CLIC4: variants seen among roughly 807,000 people sequenced by gnomAD.
The protein encoded by CLIC4 is chloride intracellular channel protein 4.
Under a neutral mutation model 24.6 loss-of-function variants are expected in CLIC4, and 13 were observed. The observed-to-expected ratio is 0.53, with a 90% CI of 0.34 to 0.84. The LOEUF (loss-of-function observed/expected upper bound fraction) is 0.84. Among genes scored for constraint, CLIC4 ranks in the 40% least tolerant of loss-of-function variants. The probability of loss-of-function intolerance (pLI) is 0.01; values close to 1 mark genes in which losing one functional copy is unlikely to be tolerated. For missense variants in CLIC4, 227 were observed against 301.7 expected (o/e 0.75, Z 1.83); for synonymous variants, 104 against 111.3 (o/e 0.93, Z 0.41).
Position 24,841,633 on chromosome 1 carries a change from G to C in CLIC4, c.*696G>C, listed in dbSNP as rs9259. 89,099 of 152,026 alleles carry C rather than the reference G, an allele frequency of 0.59. 28,361 individuals carry two copies. Among genetic ancestry groups the C allele is most frequent in the Non-Finnish European group, 0.71 (48,121 of 67,958 alleles). The allele number at this position is 152,026 out of a possible 1,614,324, so 9.4% of individuals were successfully genotyped here. On this transcript the variant is annotated 3_prime_UTR_variant, in exon 6 of 6. Transcript: ENST00000374379. Reference sequence around the variant, plus strand: ...AAGCTAAAAGTTTAGAGGGAGTGAGGGTTTTCTCAAGACCTTCCTCAAGCA... The same window carrying C: ...AAGCTAAAAGTTTAGAGGGAGTGAGCGTTTTCTCAAGACCTTCCTCAAGCA...
rs1282741778 is a variant in CLIC4 at position 24,767,025 on chromosome 1, A to T, written c.72+21400A>T. On this transcript the variant is annotated intron_variant, in intron 1 of 5. Coordinates refer to ENST00000374379, the MANE Select transcript of CLIC4 (RefSeq NM_013943.3). ...ATACACTAACAATAGCTGATGAGCT[A>T]AAAAAAAAAAAAAAAAAAAAAAAGA... is the stretch of plus-strand genomic sequence containing the variant. Among the ~76,000 whole-genome samples, 5 of 51,282 alleles carry T rather than the reference A, an allele frequency of 9.8e-5. No homozygotes were observed. The East Asian group carries it at 2.0e-3, about 21-fold the overall frequency. The allele number at this position is 51,282 out of a possible 152,430, so 33.6% of individuals were successfully genotyped here.
chr1:24,791,880 AAAAT>A (rs112152589), intron 1 of CLIC4, among the ~76,000 whole-genome samples: 8 of 150,634 alleles, frequency 5.3e-5, no homozygotes, highest in Non-Finnish European at 1.0e-4. Flanking sequence ...CCATCTCAAA[AAAAT>A]AAATAAATAA....
At chr1:24,750,507 A>T in intron 1 of CLIC4, among the ~76,000 whole-genome samples, 1 of 148,734 alleles carries the variant, frequency 6.7e-6, no homozygotes, top group East Asian at 2.0e-4. Context: ...CTGGGACTAC[A>T]GGTGTGCACC....
intron 1 of CLIC4, among the ~76,000 whole-genome samples, chr1:24,755,101 A>G (rs1638829498): frequency 1.3e-5 from 2 of 150,132 alleles, no homozygotes; most frequent in South Asian, 4.2e-4. Context: ...TAGGCTGGGC[A>G]AAATAGTGAG....
chr1:24,792,054 A>T (rs1409130715), intron 1 of CLIC4, among the ~76,000 whole-genome samples: 4 of 322 alleles, frequency 0.012, no homozygotes, highest in Admixed American at 0.17. Context: ...ACCTAATTAA[A>T]AAAAAAAAAA....
chr1:24,772,181 T>TTTC (rs886314695), intron 1 of CLIC4, among the ~76,000 whole-genome samples: 1 of 152,160 alleles, frequency 6.6e-6, no homozygotes, highest in African/African-American at 2.4e-5. Context: ...GGTGAGCTCC[T>TTTC]GAAAGAAAGT....
In CLIC4 at chr1:24,830,751, T is replaced by A. The variant is rs1221315344; in HGVS notation, c.415+3635T>A. On this transcript the variant is annotated intron_variant, in intron 4 of 5. Transcript: ENST00000374379. ...TTTGTTGCTCTGTTGCACTTAAAAA[T>A]TTTTTGAGAGCTTTATGAAATAGCT... Among the ~76,000 whole-genome samples the A allele has an allele frequency of 3.3e-5, 5 of 152,290 alleles. No individual in the cohort carries two copies. In the East Asian group the frequency reaches 7.7e-4, roughly 23 times the overall value.
intron 1 of CLIC4, among the ~76,000 whole-genome samples, chr1:24,778,798 T>A (rs1048967550): frequency 6.6e-6 from 1 of 152,368 alleles, no homozygotes; most frequent in Admixed American, 6.5e-5. Flanking sequence ...GAAAGTCTGG[T>A]CATTGTACAT....
At chr1:24,804,892 G>T (rs1188756302) in intron 2 of CLIC4, among the ~76,000 whole-genome samples, 1 of 151,804 alleles carries the variant, frequency 6.6e-6, no homozygotes, top group Non-Finnish European at 1.5e-5. Flanking sequence ...TTGAGGTCAG[G>T]AGTTCAAGAC....
chr1:24,767,865 A>G (rs1639021214), intron 1 of CLIC4, among the ~76,000 whole-genome samples: 1 of 151,088 alleles, frequency 6.6e-6, no homozygotes, highest in Non-Finnish European at 1.5e-5. Context: ...TTTTTTTGGC[A>G]TGGAGTTCCG....
At chr1:24,823,325 G>A (rs986891937) in intron 3 of CLIC4, among the ~76,000 whole-genome samples, 3 of 152,154 alleles carry the variant, frequency 2.0e-5, no homozygotes, top group Admixed American at 1.3e-4. Context: ...TTGCTTGAAT[G>A]AAGAAACCAC....
intron 1 of CLIC4, among the ~76,000 whole-genome samples, chr1:24,762,410 ACT>A (rs919439567): frequency 2.0e-5 from 3 of 152,052 alleles, no homozygotes; most frequent in African/African-American, 7.2e-5. Flanking sequence ...ACGGAGTGAG[ACT>A]CTCTCTAAAG....
chr1:24,760,271 CAGG>C (rs902692053), intron 1 of CLIC4, among the ~76,000 whole-genome samples: 13 of 151,862 alleles, frequency 8.6e-5, no homozygotes, highest in African/African-American at 3.1e-4. Context: ...GAGGCTGAGG[CAGG>C]AGAATTGCTT....
At chr1:24,799,104 G>C (rs4542170) in intron 2 of CLIC4, among the ~76,000 whole-genome samples, 143,593 of 148,316 alleles carry the variant, frequency 0.97, 69,562 homozygotes, top group South Asian at 0.99. Context: ...GCCTGGCCGC[G>C]CATCGTCTGG....
intron 2 of CLIC4, among the ~76,000 whole-genome samples, chr1:24,809,003 G>C (rs1459747758): frequency 2.0e-5 from 3 of 152,044 alleles, no homozygotes; most frequent in Non-Finnish European, 4.4e-5. Flanking sequence ...TTGATCCTCA[G>C]TTGGTTGAAT....
chr1:24,801,679 G>A (rs1475089660), intron 2 of CLIC4, among the ~76,000 whole-genome samples: 1 of 152,148 alleles, frequency 6.6e-6, no homozygotes, highest in East Asian at 1.9e-4. Flanking sequence ...TTACCTGAGA[G>A]CTATAATTCC....
intron 3 of CLIC4, among the ~76,000 whole-genome samples, chr1:24,820,301 G>A (rs2124159980): frequency 1.1e-5 from 1 of 94,172 alleles, no homozygotes; most frequent in South Asian, 3.7e-4. Context: ...TTGAGACATG[G>A]TCTTGCTCTG....
At chr1:24,813,882 C>G (rs552532524) in intron 2 of CLIC4, among the ~76,000 whole-genome samples, 7 of 152,214 alleles carry the variant, frequency 4.6e-5, no homozygotes, top group African/African-American at 1.4e-4. Flanking sequence ...CCATGCCTGG[C>G]TAATTTTTTA....
At chr1:24,824,275 CT>C (rs1009077805) in intron 3 of CLIC4, among the ~76,000 whole-genome samples, 124 of 148,242 alleles carry the variant, frequency 8.4e-4, no homozygotes, top group Middle Eastern at 3.5e-3. Context: ...TTTGTCAATA[CT>C]TTTTTTTTTT....
Sources: gnomAD v4.1 joint callset for allele counts (sites outside exome capture counted in the v4.1 genomes callset) on GRCh38, gnomAD v4.1.1 for gene constraint, MANE v1.5 for transcripts, NCBI Gene and HGNC (gene_info 2026-07-23, HGNC 2026-07-21) for gene names.